The following MBTPS1 variants were observed in gnomAD, a reference collection of about 807,000 sequenced individuals.
MBTPS1 encodes membrane bound transcription factor peptidase, site 1, also known as membrane-bound transcription factor site-1 protease.
MBTPS1 carries 94 observed loss-of-function variants against 127.8 expected under a neutral mutation model. That is an observed-to-expected ratio of 0.74 (90% CI 0.62 to 0.87). The LOEUF (loss-of-function observed/expected upper bound fraction) is 0.87, where lower values mean the gene tolerates loss of function less well. MBTPS1 is among the 40% of genes least tolerant of loss of function. MBTPS1 has a pLI of 0.00. For synonymous variants in MBTPS1, 632 were observed against 509.4 expected, an observed-to-expected ratio of 1.24 and a Z score of -3.24; for missense variants, 1,636 against 1,353.2, an observed-to-expected ratio of 1.21 and a Z score of -3.28.
chr16:84,090,734 T>C (rs1165866645), intron 8 of MBTPS1, 141 bp downstream of exon 8: 4 of 654,202 alleles, frequency 6.1e-6, no homozygotes, highest in Non-Finnish European at 8.1e-6. Context: ...TAGTATTTTT[T>C]TACATGAGGA....
At position 84,097,348 on chromosome 16, in the gene MBTPS1, G is replaced by A. The variant is rs186224078; in HGVS notation, c.422-1543C>T. Among the ~76,000 whole-genome samples, 150 of 152,302 alleles carry A rather than the reference G, an allele frequency of 9.8e-4. 1 individual carries two copies. Among genetic ancestry groups the A allele is most frequent in the African/African-American group, 3.6e-3 (148 of 41,560 alleles). On this transcript the variant is annotated intron_variant, in intron 3 of 22. Coordinates refer to ENST00000343411, the MANE Select transcript of MBTPS1 (RefSeq NM_003791.4). ...ATTATTTCATGTTATCTTCATGACAGCCCCACGAGGTAGGGAGTATCATCT... is the reference window on the plus strand; with the variant it reads ...ATTATTTCATGTTATCTTCATGACAACCCCACGAGGTAGGGAGTATCATCT...
intron 14 of MBTPS1, 35 bp from the exon 15 acceptor site, chr16:84,068,489 G>A (rs764523274): frequency 1.1e-5 from 15 of 1,417,372 alleles, no homozygotes; most frequent in Middle Eastern, 1.8e-4. Context: ...TAAAATGATC[G>A]ATCTTTACTG....
intron 9 of MBTPS1, 70 bp downstream of exon 9, chr16:84,087,288 C>G: frequency 1.6e-6 from 2 of 1,229,692 alleles, no homozygotes; most frequent in South Asian, 1.2e-5. Context: ...CAAGGCTCGT[C>G]AACAACCGGT....
intron 15 of MBTPS1, 54 bp from the exon 16 acceptor site, chr16:84,067,877 C>T: frequency 6.5e-7 from 1 of 1,546,076 alleles, no homozygotes; most frequent in South Asian, 1.2e-5. Context: ...GACAGGACAC[C>T]ACCACGGCAG....
Position 84,093,256 on chromosome 16 carries a change from TGCTG to T in MBTPS1, c.774_777del (p.Ser259Ter). The T allele has an allele frequency of 6.2e-7, 1 of 1,614,124 alleles. No homozygotes were observed. The highest frequency in any genetic ancestry group is 8.5e-7 in the Non-Finnish European group (1 of 1,179,980). ...GGAGCAAATCCTTGGCACTCCCTCA[TGCTG>T]GCTATCACACCTGCCACGAATGTGC... On this transcript the variant is annotated frameshift_variant, in exon 6 of 23. Transcript: ENST00000343411. LOFTEE classifies it high-confidence loss of function.
intron 20 of MBTPS1, 197 bp downstream of exon 20, chr16:84,060,485 G>A (rs1323511033): frequency 5.3e-6 from 3 of 563,478 alleles, no homozygotes; most frequent in Non-Finnish European, 9.3e-6. Flanking sequence ...CCTCGATCAT[G>A]GCCCTCTGGG....
intron 19 of MBTPS1, among the ~76,000 whole-genome samples, chr16:84,063,011 ACT>A (rs2085635926): frequency 6.6e-6 from 1 of 152,286 alleles, no homozygotes; most frequent in Admixed American, 6.5e-5. Flanking sequence ...CAGGGAAGGG[ACT>A]CTCCACCACA....
chr16:84,084,921 G>A (rs972027286), intron 10 of MBTPS1, 62 bp downstream of exon 10: 4 of 1,559,794 alleles, frequency 2.6e-6, no homozygotes, highest in Non-Finnish European at 8.7e-7. Flanking sequence ...CTCCTGCTCT[G>A]CTGGCACCGA....
At chr16:84,088,939 G>C (rs2086066872) in intron 8 of MBTPS1, among the ~76,000 whole-genome samples, 1 of 152,150 alleles carries the variant, frequency 6.6e-6, no homozygotes, top group Admixed American at 6.5e-5. Context: ...GTGGAGATGG[G>C]GCCTTCCTGG....
At chr16:84,064,953 T>G (rs916139602) in intron 18 of MBTPS1, among the ~76,000 whole-genome samples, 9 of 152,200 alleles carry the variant, frequency 5.9e-5, no homozygotes, top group Non-Finnish European at 1.2e-4. Flanking sequence ...AATGGCAACT[T>G]TAGAAGGGAG....
chr16:84,091,281 T>C (rs75703294), intron 7 of MBTPS1, among the ~76,000 whole-genome samples: 3 of 151,500 alleles, frequency 2.0e-5, no homozygotes, highest in African/African-American at 7.3e-5. Context: ...AGGTCAGGAG[T>C]TGGAGACCAG....
intron 14 of MBTPS1, among the ~76,000 whole-genome samples, chr16:84,068,851 G>A (rs1216362075): frequency 1.3e-5 from 2 of 152,226 alleles, no homozygotes; most frequent in African/African-American, 2.4e-5. Flanking sequence ...GCAGGGCCAC[G>A]GTGCTAAGAC....
chr16:84,086,782 A>T (rs1277361850), intron 9 of MBTPS1, among the ~76,000 whole-genome samples: 1 of 152,200 alleles, frequency 6.6e-6, no homozygotes, highest in Non-Finnish European at 1.5e-5. Flanking sequence ...GCTGTTCTGC[A>T]CGAGCGTCTA....
chr16:84,086,889 T>G (rs527387595), intron 9 of MBTPS1, among the ~76,000 whole-genome samples: 42 of 152,294 alleles, frequency 2.8e-4, no homozygotes, highest in Non-Finnish European at 6.0e-4. Flanking sequence ...TATTTTGAAT[T>G]TGTCCAGCTA....
At chr16:84,093,963 G>C (rs911243902) in intron 4 of MBTPS1, 142 bp from the exon 5 acceptor site, 5 of 659,474 alleles carry the variant, frequency 7.6e-6, no homozygotes, top group African/African-American at 1.8e-5. Flanking sequence ...AAATAAGTTA[G>C]GTCAGCTGCT....
At chr16:84,060,892 G>A (rs1484591860) in intron 19 of MBTPS1, 79 bp from the exon 20 acceptor site, 5 of 1,400,792 alleles carry the variant, frequency 3.6e-6, no homozygotes, top group Non-Finnish European at 3.9e-6. Flanking sequence ...CCAGTGCAGT[G>A]GCGCAATCAT....
At chr16:84,097,787 A>T (rs1319654045) in intron 3 of MBTPS1, among the ~76,000 whole-genome samples, 1 of 152,016 alleles carries the variant, frequency 6.6e-6, no homozygotes. Flanking sequence ...TGAAAAAGTC[A>T]GACGCCTTAA....
chr16:84,063,078 T>A (rs1485768645), intron 19 of MBTPS1, among the ~76,000 whole-genome samples: 1 of 152,256 alleles, frequency 6.6e-6, no homozygotes, highest in East Asian at 1.9e-4. Flanking sequence ...AGAAGAGGCA[T>A]CATGGCCCCA....
rs1275740540 is a variant in MBTPS1 at position 84,093,832 on chromosome 16, A to G, written c.626-11T>C. The G allele has an allele frequency of 1.2e-5, 19 of 1,541,886 alleles. No individual in the cohort carries two copies. The highest frequency in any genetic ancestry group is 1.6e-5 in the Non-Finnish European group (18 of 1,114,138). Reference sequence around the variant, plus strand: ...CTCTTACATTAGCACCTTATTCGGAAAAGAAAGCAAACACAATTATGTTTG... The same window carrying G: ...CTCTTACATTAGCACCTTATTCGGAGAAGAAAGCAAACACAATTATGTTTG... On this transcript the variant is annotated splice_polypyrimidine_tract_variant and intron_variant, in intron 4 of 22. Coordinates refer to ENST00000343411, the MANE Select transcript of MBTPS1 (RefSeq NM_003791.4).
Sources: allele counts gnomAD v4.1 joint callset (sites outside exome capture counted in the v4.1 genomes callset), GRCh38; gene constraint gnomAD v4.1.1; transcripts MANE v1.5; gene names NCBI Gene and HGNC (gene_info 2026-07-23, HGNC 2026-07-21).